Variants in ADAMTSL1 observed in about 807,000 individuals in gnomAD.
ADAMTSL1 encodes ADAMTS like 1.
A neutral mutation model predicts 201.8 loss-of-function variants in ADAMTSL1; 126 were observed. The observed-to-expected ratio is 0.62, with a 90% confidence interval of 0.54 to 0.72. The LOEUF (loss-of-function observed/expected upper bound fraction) is 0.72. Ranked by LOEUF, ADAMTSL1 falls within the 30% of genes least tolerant of loss-of-function variation. The probability of loss-of-function intolerance (pLI) is 0.00; values close to 1 mark genes in which losing one functional copy is unlikely to be tolerated. For synonymous variants in ADAMTSL1, 1,121 were observed against 903.4 expected, an observed-to-expected ratio of 1.24 and a Z score of -4.32; for missense variants, 2,679 against 2,277.8, an observed-to-expected ratio of 1.18 and a Z score of -3.59.
chr9:18,427,969 T>C (rs1819300608), intron 2 of ADAMTSL1, among the ~76,000 whole-genome samples: 1 of 152,228 alleles, frequency 6.6e-6, no homozygotes, highest in Non-Finnish European at 1.5e-5. Context: ...TGAAGTCTGA[T>C]GTCTGCAAAG....
intron 17 of ADAMTSL1, among the ~76,000 whole-genome samples, chr9:18,774,257 C>A (rs533626886): frequency 1.3e-5 from 2 of 152,092 alleles, no homozygotes; most frequent in South Asian, 4.2e-4. Context: ...TGTCACCCCC[C>A]TCTTCAGTGG....
At chr9:18,134,659 G>T (rs1482099702) in intron 1 of ADAMTSL1, among the ~76,000 whole-genome samples, 1 of 152,118 alleles carries the variant, frequency 6.6e-6, no homozygotes, top group Non-Finnish European at 1.5e-5. Context: ...CTTGCCAGTG[G>T]GTGTGGTGGT....
chr9:18,711,930 TCCCTGAC>T (rs199953122), intron 14 of ADAMTSL1, among the ~76,000 whole-genome samples: 34,340 of 148,128 alleles, frequency 0.23, 1,839 homozygotes, highest in Middle Eastern at 0.3. Flanking sequence ...CTCAAGTGGG[TCCCTGAC>T]CCCTGACCCC....
chr9:18,292,385 C>G (rs10511640), intron 2 of ADAMTSL1, among the ~76,000 whole-genome samples: 17,804 of 152,034 alleles, frequency 0.12, 1,630 homozygotes, highest in African/African-American at 0.25. Flanking sequence ...AAGAAACTAT[C>G]GTGGTAGGCA....
chr9:18,363,248 A>C (rs1436777355), intron 2 of ADAMTSL1, among the ~76,000 whole-genome samples: 1 of 152,216 alleles, frequency 6.6e-6, no homozygotes, highest in Admixed American at 6.5e-5. Flanking sequence ...CCACCAGCTA[A>C]CCTATCAGGC....
intron 1 of ADAMTSL1, among the ~76,000 whole-genome samples, chr9:17,998,081 G>T (rs912770843): frequency 6.6e-6 from 1 of 151,954 alleles, no homozygotes; most frequent in African/African-American, 2.4e-5. Context: ...GACTACTTAG[G>T]CATCTCACAT....
intron 2 of ADAMTSL1, among the ~76,000 whole-genome samples, chr9:18,513,322 C>A (rs886479197): frequency 6.6e-5 from 10 of 152,286 alleles, no homozygotes; most frequent in Non-Finnish European, 1.2e-4. Flanking sequence ...TCCGCCGCAA[C>A]CTCTGGCAGC....
intron 1 of ADAMTSL1, among the ~76,000 whole-genome samples, chr9:18,125,837 A>G (rs1825708154): frequency 6.6e-6 from 1 of 152,210 alleles, no homozygotes; most frequent in South Asian, 2.1e-4. Flanking sequence ...AATTTCTTCA[A>G]AGTCTTCCAC....
intron 2 of ADAMTSL1, among the ~76,000 whole-genome samples, chr9:18,438,638 G>C (rs1819858215): frequency 6.6e-6 from 1 of 152,122 alleles, no homozygotes; most frequent in South Asian, 2.1e-4. Context: ...ACCCTAGAGG[G>C]GGCTGCAGCA....
chr9:18,032,491 G>A (rs1373391521), intron 1 of ADAMTSL1, among the ~76,000 whole-genome samples: 1 of 152,166 alleles, frequency 6.6e-6, no homozygotes, highest in Non-Finnish European at 1.5e-5. Flanking sequence ...CAGCCAGGTA[G>A]GCAGTTTTGG....
chr9:18,845,268 C>T (rs567570059), intron 23 of ADAMTSL1, among the ~76,000 whole-genome samples: 3 of 149,800 alleles, frequency 2.0e-5, no homozygotes, highest in South Asian at 2.2e-4. Context: ...ATTGGAGGCA[C>T]ATGTCAGCCC....
chr9:18,808,715 C>T (rs1312027118), intron 20 of ADAMTSL1, among the ~76,000 whole-genome samples: 1 of 152,178 alleles, frequency 6.6e-6, no homozygotes, highest in Non-Finnish European at 1.5e-5. Context: ...TATAGCAGGA[C>T]AGATTATATT....
At chr9:18,832,426 G>T (rs985977697) in intron 23 of ADAMTSL1, among the ~76,000 whole-genome samples, 2 of 152,164 alleles carry the variant, frequency 1.3e-5, no homozygotes, top group African/African-American at 4.8e-5. Flanking sequence ...GGAAGTAGAT[G>T]TACTACCTGG....
chr9:18,627,117 G>C (rs1261935538), intron 5 of ADAMTSL1, among the ~76,000 whole-genome samples: 2 of 151,940 alleles, frequency 1.3e-5, no homozygotes, highest in African/African-American at 4.8e-5. Flanking sequence ...AAGTAGCTGG[G>C]ATTACAGGTG....
intron 1 of ADAMTSL1, among the ~76,000 whole-genome samples, chr9:18,076,705 C>T (rs1351424124): frequency 1.3e-5 from 2 of 152,286 alleles, no homozygotes; most frequent in South Asian, 2.1e-4. Flanking sequence ...AGCAGGGAAC[C>T]ACTGTTAACG....
At chr9:17,954,729 T>G (rs1183887755) in intron 1 of ADAMTSL1, among the ~76,000 whole-genome samples, 1 of 151,874 alleles carries the variant, frequency 6.6e-6, no homozygotes, top group African/African-American at 2.4e-5. Context: ...AAGACCAGAG[T>G]TTTAGTCTAA....
intron 1 of ADAMTSL1, among the ~76,000 whole-genome samples, chr9:18,142,783 A>G (rs940849106): frequency 1.3e-5 from 2 of 152,210 alleles, no homozygotes; most frequent in Non-Finnish European, 2.9e-5. Context: ...GACCCAGGCC[A>G]TATGTATGTG....
chr9:18,763,891 T>A (rs1390293466), intron 16 of ADAMTSL1, among the ~76,000 whole-genome samples: 1 of 152,234 alleles, frequency 6.6e-6, no homozygotes, highest in Non-Finnish European at 1.5e-5. Flanking sequence ...ACTATTGCTC[T>A]GTATTATAAT....
chr9:18,827,177 ATT>A (rs34163536), intron 22 of ADAMTSL1, among the ~76,000 whole-genome samples: 11 of 147,420 alleles, frequency 7.5e-5, no homozygotes, highest in Admixed American at 1.3e-4. Flanking sequence ...AAAAAAAAAA[ATT>A]TTTTTTGGCT....
Sources: allele counts gnomAD v4.1 joint callset (sites outside exome capture counted in the v4.1 genomes callset), GRCh38; gene constraint gnomAD v4.1.1; transcripts MANE v1.5; gene names NCBI Gene and HGNC (gene_info 2026-07-23, HGNC 2026-07-21).